The following PCDHGA1 variants were observed in gnomAD, a reference collection of about 807,000 sequenced individuals.
PCDHGA1 encodes protocadherin gamma-A1.
In PCDHGA1, 32 loss-of-function variants were observed where a neutral mutation model predicts 58.0. The observed-to-expected ratio is 0.55, with a 90% CI of 0.42 to 0.74. The LOEUF (loss-of-function observed/expected upper bound fraction) is 0.74. PCDHGA1 is among the 30% of genes least tolerant of loss of function. PCDHGA1 has a pLI of 0.00. For missense variants in PCDHGA1, 1,205 were observed against 1,182.3 expected (o/e 1.02, Z -0.28); for synonymous variants, 498 against 501.1 (o/e 0.99, Z 0.08).
chr5:141,485,239 C>T lies in PCDHGA1; in HGVS notation c.2422-9568C>T. ...GGGCTACCCTTTTGTTCCTCTTTTA[C>T]CACCTGGGTTACGTTTGTGGGCAGA... On this transcript the variant is annotated intron_variant, in intron 1 of 3. Transcript: ENST00000517417. This position sits in a 1 kb window ranked among gnomAD's most constrained non-coding sequence, Gnocchi z 5.7. The T allele has an allele frequency of 6.2e-7, 1 of 1,614,140 alleles. No homozygotes were observed. Among genetic ancestry groups the T allele is most frequent in the South Asian group, 1.1e-5 (1 of 91,072 alleles).
intron 1 of PCDHGA1, chr5:141,415,551 C>A (rs745641887): frequency 5.6e-6 from 9 of 1,614,014 alleles, no homozygotes; most frequent in Non-Finnish European, 7.6e-6. Context: ...GTGAGAAAAA[C>A]GATCCTTTGT....
chr5:141,388,803 T>G lies in PCDHGA1; in HGVS notation c.2421+55698T>G, dbSNP rs774082539. The G allele has an allele frequency of 3.1e-6, 5 of 1,613,936 alleles. No individual in the cohort carries two copies. In the East Asian group the frequency reaches 1.1e-4, roughly 36 times the overall value. ...AATTACTGTTTTAAATACATTAGATTTTGAAGAAGTCAAAGAATATTCCAT... is the reference window on the plus strand; with the variant it reads ...AATTACTGTTTTAAATACATTAGATGTTGAAGAAGTCAAAGAATATTCCAT... On this transcript the variant is annotated intron_variant, in intron 1 of 3. Transcript: ENST00000517417.
chr5:141,482,071 A>G (rs2099551527), intron 1 of PCDHGA1, among the ~76,000 whole-genome samples: 1 of 145,394 alleles, frequency 6.9e-6, no homozygotes, highest in Non-Finnish European at 1.5e-5. Flanking sequence ...GGCAACAAGA[A>G]CAAAACTCAC....
chr5:141,345,405 T>A, intron 1 of PCDHGA1: 1 of 1,613,986 alleles, frequency 6.2e-7, no homozygotes, highest in Non-Finnish European at 8.5e-7. Context: ...TTTATCCTAC[T>A]CCGCCTACAT....
At chr5:141,464,480 A>T (rs1013894368) in intron 1 of PCDHGA1, among the ~76,000 whole-genome samples, 4 of 151,864 alleles carry the variant, frequency 2.6e-5, no homozygotes, top group African/African-American at 7.3e-5. Flanking sequence ...CGTATAATAA[A>T]TTCCTAATAG....
At chr5:141,498,338 G>A (rs2237079) in intron 2 of PCDHGA1, among the ~76,000 whole-genome samples, 68,665 of 151,630 alleles carry the variant, frequency 0.45, 15,766 homozygotes, top group Admixed American at 0.55. Flanking sequence ...CATTCCAAAT[G>A]GGAAAAGCCT....
intron 1 of PCDHGA1, among the ~76,000 whole-genome samples, chr5:141,458,247 C>T (rs758242859): frequency 4.6e-5 from 7 of 152,100 alleles, no homozygotes; most frequent in South Asian, 2.1e-4. Flanking sequence ...CAAAATGATA[C>T]GGCTCTGATG....
At chr5:141,407,932 C>T (rs1465007397) in intron 1 of PCDHGA1, 7 of 504,268 alleles carry the variant, frequency 1.4e-5, no homozygotes, top group Non-Finnish European at 2.0e-5. Context: ...CACGGAGCCT[C>T]TGGGCGCCGC....
intron 1 of PCDHGA1, chr5:141,341,182 C>T (rs1757029719): frequency 6.2e-7 from 1 of 1,612,642 alleles, no homozygotes; most frequent in African/African-American, 1.3e-5. Context: ...GCATGCAGAG[C>T]TCGCACTTTG....
intron 1 of PCDHGA1, chr5:141,374,057 C>T (rs768326017): frequency 6.7e-7 from 1 of 1,486,570 alleles, no homozygotes; most frequent in Admixed American, 2.5e-5. Flanking sequence ...TCTTCTTAAT[C>T]CCAGAGAAGT....
intron 1 of PCDHGA1, chr5:141,392,932 A>T (rs1334314898): frequency 6.2e-7 from 1 of 1,613,830 alleles, no homozygotes; most frequent in African/African-American, 1.3e-5. Flanking sequence ...GAAGAGACGG[A>T]CAAAGGCTCC....
At position 141,431,435 on chromosome 5, in the gene PCDHGA1, G is replaced by A. The variant is rs376827063; in HGVS notation, c.2422-63372G>A. ...GGGCGACCCGGTGCGCACAGGCACC[G>A]CGCGCATCCGCGTGATGGTTCTGGA... On this transcript the variant is annotated intron_variant, in intron 1 of 3. Coordinates refer to ENST00000517417, the MANE Select transcript of PCDHGA1 (RefSeq NM_018912.3). The surrounding 1 kb of genome is among the most constrained non-coding windows in gnomAD (Gnocchi z 4.8). 2.5e-6 allele frequency: 4 copies of A among 1,613,550 alleles called. No homozygotes were observed. Among genetic ancestry groups the A allele is most frequent in the Non-Finnish European group, 3.4e-6 (4 of 1,180,034 alleles).
In PCDHGA1 at chr5:141,341,519, T is replaced by A; in HGVS notation, c.2421+8414T>A. 7 of 1,515,340 alleles carry A rather than the reference T, an allele frequency of 4.6e-6. No homozygotes were observed. The South Asian group carries it at 9.4e-5, about 20-fold the overall frequency. The allele number at this position is 1,515,340 out of a possible 1,614,324, so 93.9% of individuals were successfully genotyped here. A position where few individuals can be genotyped will look rare whatever the true frequency, so the allele number is the denominator to read the frequency against. ...GTAGAGTCAAGTTTTAGGAAGTGAG[T>A]CTTGGTGAATTATTTCTTGGTAGGT... On this transcript the variant is annotated intron_variant, in intron 1 of 3. Coordinates refer to ENST00000517417, the MANE Select transcript of PCDHGA1 (RefSeq NM_018912.3).
intron 1 of PCDHGA1, among the ~76,000 whole-genome samples, chr5:141,454,371 G>A (rs901551817): frequency 6.6e-6 from 1 of 152,096 alleles, no homozygotes; most frequent in Non-Finnish European, 1.5e-5. Context: ...AAGGAGTATG[G>A]CAACTTGTCA....
intron 1 of PCDHGA1, chr5:141,392,285 A>G (rs554377698): frequency 6.6e-6 from 1 of 152,312 alleles, no homozygotes; most frequent in East Asian, 1.9e-4. Flanking sequence ...TTAGAGCACA[A>G]TGGGAAATGA....
intron 1 of PCDHGA1, chr5:141,424,475 T>C (rs1399874639): frequency 2.6e-5 from 4 of 152,234 alleles, no homozygotes; most frequent in Admixed American, 2.0e-4. Context: ...ATTCTTTTAC[T>C]TTGGTGTCTG....
At position 141,485,287 on chromosome 5, in the gene PCDHGA1, G is replaced by A. The variant is rs1396496143; in HGVS notation, c.2422-9520G>A. 5.0e-6 allele frequency: 8 copies of A among 1,614,064 alleles called. No individual in the cohort carries two copies. The highest frequency in any genetic ancestry group is 6.8e-6 in the Non-Finnish European group (8 of 1,180,002). On this transcript the variant is annotated intron_variant, in intron 1 of 3. Transcript: ENST00000517417. The surrounding 1 kb of genome is among the most constrained non-coding windows in gnomAD (Gnocchi z 5.7). ...AGATCCGCTACCCGGTCCCAGAGGA[G>A]TCACAGGAAGGGACTTTTGTAGGGA...
chr5:141,434,440 T>C (rs1283641379), intron 1 of PCDHGA1, among the ~76,000 whole-genome samples: 2 of 152,238 alleles, frequency 1.3e-5, no homozygotes, highest in Non-Finnish European at 2.9e-5. Flanking sequence ...GTAATGCCCA[T>C]GCTGGAAGGT....
At chr5:141,467,460 T>G (rs1354012953) in intron 1 of PCDHGA1, among the ~76,000 whole-genome samples, 1 of 152,246 alleles carries the variant, frequency 6.6e-6, no homozygotes. Context: ...CCAGTGCTAG[T>G]ACTTGCATGG....
Sources: allele counts gnomAD v4.1 joint callset (sites outside exome capture counted in the v4.1 genomes callset), GRCh38; gene constraint gnomAD v4.1.1; non-coding constraint Gnocchi (gnomAD v3.1); transcripts MANE v1.5; gene names NCBI Gene and HGNC (gene_info 2026-07-23, HGNC 2026-07-21).